Variants in THSD4 observed in about 807,000 individuals in gnomAD.
THSD4 encodes the protein thrombospondin type-1 domain-containing protein 4.
THSD4 carries 69 observed loss-of-function variants against 119.0 expected under a neutral mutation model. The ratio of observed to expected loss-of-function variants is 0.58; its 90% CI spans 0.48 to 0.71. THSD4 has a LOEUF of 0.71. THSD4 is among the 30% of genes least tolerant of loss of function. The pLI is 0.00. For missense variants in THSD4, 1,393 were observed against 1,391.1 expected (o/e 1.00, Z -0.02); for synonymous variants, 524 against 540.4 (o/e 0.97, Z 0.42).
chr15:71,644,193 A>G (rs996746813), intron 7 of THSD4, among the ~76,000 whole-genome samples: 87 of 152,246 alleles, frequency 5.7e-4, no homozygotes, highest in African/African-American at 1.7e-3. Flanking sequence ...AAACCAGATG[A>G]TCTCTATGTT....
At chr15:71,388,588 A>G (rs2046323885) in intron 6 of THSD4, among the ~76,000 whole-genome samples, 1 of 151,958 alleles carries the variant, frequency 6.6e-6, no homozygotes, top group African/African-American at 2.4e-5. Context: ...GTAGGAGATC[A>G]TCTCAGCTAC....
intron 7 of THSD4, among the ~76,000 whole-genome samples, chr15:71,471,839 C>T (rs569330889): frequency 3.8e-4 from 58 of 152,172 alleles, no homozygotes; most frequent in African/African-American, 1.3e-3. Flanking sequence ...GGTTTCAGAG[C>T]GTGGGATCTG....
At chr15:71,757,837 A>G (rs761019412) in intron 14 of THSD4, 65 bp from the exon 15 acceptor site, 1 of 1,592,962 alleles carries the variant, frequency 6.3e-7, no homozygotes, top group Non-Finnish European at 8.5e-7. Flanking sequence ...CCTTTCCATC[A>G]TTTGAAAGTG....
intron 7 of THSD4, among the ~76,000 whole-genome samples, chr15:71,648,163 G>C (rs754676102): frequency 3.3e-5 from 5 of 152,122 alleles, no homozygotes; most frequent in Non-Finnish European, 4.4e-5. Flanking sequence ...TCAGAGCTTT[G>C]GCAAAATAGG....
intron 3 of THSD4, among the ~76,000 whole-genome samples, chr15:71,210,019 G>T (rs895660585): frequency 6.6e-6 from 1 of 152,080 alleles, no homozygotes; most frequent in Non-Finnish European, 1.5e-5. Flanking sequence ...CCCAGTCTTG[G>T]GTATGTCTTT....
chr15:71,474,665 G>A lies in THSD4; in HGVS notation c.1152+62842G>A, dbSNP rs375495292. Among the ~76,000 whole-genome samples the A allele has an allele frequency of 5.9e-5, 9 of 152,312 alleles. No individual in the cohort carries two copies. The East Asian group carries it at 1.5e-3, about 26-fold the overall frequency. ...TGCTCTCTGTCTGCAGAAGGCTGCT[G>A]TATGTGAATTGCATCATCAAATCTT... On this transcript the variant is annotated intron_variant, in intron 7 of 17. Coordinates refer to ENST00000261862, the MANE Select transcript of THSD4 (RefSeq NM_024817.3).
In THSD4 at chr15:71,509,943, G is replaced by T. The variant is rs114535208; in HGVS notation, c.1152+98120G>T. Reference sequence around the variant, plus strand: ...AATTTTTTTTCTCCAGCAGGCTCTAGTGCATAACTATTGTCGATATTTTTA... The same window carrying T: ...AATTTTTTTTCTCCAGCAGGCTCTATTGCATAACTATTGTCGATATTTTTA... On this transcript the variant is annotated intron_variant, in intron 7 of 17. Coordinates refer to ENST00000261862, the MANE Select transcript of THSD4 (RefSeq NM_024817.3). Among the ~76,000 whole-genome samples the T allele has an allele frequency of 7.8e-3, 1,188 of 152,210 alleles. 21 individuals carry two copies. The highest frequency in any genetic ancestry group is 0.027 in the African/African-American group (1,126 of 41,522).
intron 6 of THSD4, among the ~76,000 whole-genome samples, chr15:71,324,269 T>C (rs898681451): frequency 7.2e-5 from 11 of 152,158 alleles, no homozygotes; most frequent in African/African-American, 2.2e-4. Flanking sequence ...TACAGCTTTA[T>C]AGTATTTCAT....
At chr15:71,199,539 GTGTATGTGTGGTGTGTGTA>G (rs1567154567) in intron 3 of THSD4, among the ~76,000 whole-genome samples, 39 of 133,578 alleles carry the variant, frequency 2.9e-4, no homozygotes, top group African/African-American at 1.2e-3. Flanking sequence ...TGTGTGGTGT[GTGTATGTGTGGTGTGTGTA>G]TGTGGTGTGT....
chr15:71,630,883 C>T (rs553985885), intron 7 of THSD4, among the ~76,000 whole-genome samples: 1 of 152,342 alleles, frequency 6.6e-6, no homozygotes, highest in Non-Finnish European at 1.5e-5. Context: ...CACTCCAGCT[C>T]TATCCACATT....
At chr15:71,649,779 A>G (rs1453588157) in intron 7 of THSD4, among the ~76,000 whole-genome samples, 2 of 152,046 alleles carry the variant, frequency 1.3e-5, no homozygotes, top group Non-Finnish European at 2.9e-5. Context: ...TTGATTTTTT[A>G]TATGGTATAA....
intron 2 of THSD4, among the ~76,000 whole-genome samples, chr15:71,143,700 CTTTTTTT>C (rs546375502): frequency 1.9e-4 from 19 of 100,742 alleles, no homozygotes; most frequent in South Asian, 3.5e-4. Context: ...TTTTTTCTTT[CTTTTTTT>C]TTTTTTTTTT....
Position 71,777,301 on chromosome 15 carries a change from A to G in THSD4, c.2984A>G (p.Tyr995Cys). 6.2e-7 allele frequency: 1 copy of G among 1,614,236 alleles called. No homozygotes were observed. The highest frequency in any genetic ancestry group is 8.5e-7 in the Non-Finnish European group (1 of 1,180,038). ...CAGGCAAGACTCTGTGTCTACAACTACTACAAGACCGCCTGCTGTGCCTCC... is the reference window on the plus strand; with the variant it reads ...CAGGCAAGACTCTGTGTCTACAACTGCTACAAGACCGCCTGCTGTGCCTCC... ...VVQARLCVYN[Y>C]YKTACCASCT... The change falls in exon 18 of 18, where the codon TAC (tyrosine) becomes TGC (cysteine). Residue 995 changes from tyrosine (Y) to cysteine (C), a missense_variant. Tyr to Cys is a radical substitution (Grantham distance 194). Coordinates refer to ENST00000261862, the MANE Select transcript of THSD4 (RefSeq NM_024817.3).
chr15:71,727,553 AATAT>A (rs869196877), intron 8 of THSD4, among the ~76,000 whole-genome samples: 19 of 122,760 alleles, frequency 1.5e-4, no homozygotes, highest in African/African-American at 7.0e-4. Flanking sequence ...AAAAAAAAAA[AATAT>A]ATATATATAT....
intron 7 of THSD4, among the ~76,000 whole-genome samples, chr15:71,522,957 C>T (rs1034191491): frequency 2.0e-5 from 3 of 152,146 alleles, no homozygotes; most frequent in African/African-American, 7.2e-5. Context: ...CTGGATGCCT[C>T]CCTTGCACAA....
At chr15:71,207,956 A>G (rs2043858746) in intron 3 of THSD4, among the ~76,000 whole-genome samples, 1 of 152,228 alleles carries the variant, frequency 6.6e-6, no homozygotes, top group Non-Finnish European at 1.5e-5. Context: ...GGAATTTACA[A>G]TAACGAGTCT....
At chr15:71,760,127 A>G (rs1357372626) in intron 15 of THSD4, among the ~76,000 whole-genome samples, 2 of 152,222 alleles carry the variant, frequency 1.3e-5, no homozygotes, top group Non-Finnish European at 2.9e-5. Context: ...GGTATTTCGA[A>G]TACCCCACCA....
intron 7 of THSD4, among the ~76,000 whole-genome samples, chr15:71,618,761 A>G (rs540536537): frequency 6.6e-6 from 1 of 152,210 alleles, no homozygotes; most frequent in African/African-American, 2.4e-5. Context: ...AATTATTTGT[A>G]GAGACAGGGT....
intron 17 of THSD4, among the ~76,000 whole-genome samples, chr15:71,771,959 A>G (rs182524415): frequency 1.8e-4 from 27 of 152,302 alleles, no homozygotes; most frequent in African/African-American, 4.8e-4. Flanking sequence ...GATTGGGCAG[A>G]TAGGAAGTGT....
Sources: allele counts gnomAD v4.1 joint callset (sites outside exome capture counted in the v4.1 genomes callset), GRCh38; gene constraint gnomAD v4.1.1; transcripts MANE v1.5; gene names NCBI Gene and HGNC (gene_info 2026-07-23, HGNC 2026-07-21).